Variants in PALM2AKAP2 observed in about 807,000 individuals in gnomAD.
The protein encoded by PALM2AKAP2 is PALM2-AKAP2 fusion protein.
PALM2AKAP2 carries 37 observed loss-of-function variants against 71.5 expected under a neutral mutation model. The ratio of observed to expected loss-of-function variants is 0.52; its 90% CI spans 0.40 to 0.68. The LOEUF (loss-of-function observed/expected upper bound fraction) is 0.68. PALM2AKAP2 is among the 30% of genes least tolerant of loss of function. PALM2AKAP2 has a pLI of 0.00. For synonymous variants in PALM2AKAP2, 468 were observed against 478.8 expected (o/e 0.98, Z 0.29); for missense variants, 1,224 against 1,191.8 (o/e 1.03, Z -0.40).
chr9:109,801,000 A>G (rs1827415157), intron 1 of PALM2AKAP2, among the ~76,000 whole-genome samples: 3 of 152,116 alleles, frequency 2.0e-5, no homozygotes, highest in Admixed American at 1.3e-4. Context: ...TAGCAGTAAA[A>G]CTTTCAATTA....
At chr9:110,116,583 G>A (rs2118976218) in intron 1 of PALM2AKAP2, among the ~76,000 whole-genome samples, 1 of 152,274 alleles carries the variant, frequency 6.6e-6, no homozygotes, top group East Asian at 1.9e-4. Flanking sequence ...ATTCTTCAAT[G>A]GGATTTTCCT....
At chr9:109,801,231 A>C (rs1346266858) in intron 1 of PALM2AKAP2, among the ~76,000 whole-genome samples, 2 of 152,228 alleles carry the variant, frequency 1.3e-5, no homozygotes, top group Non-Finnish European at 2.9e-5. Flanking sequence ...CCTTAAAAGC[A>C]AACTCAGACA....
chr9:110,149,969 A>G (rs571684171), intron 2 of PALM2AKAP2, among the ~76,000 whole-genome samples: 4 of 152,338 alleles, frequency 2.6e-5, no homozygotes, highest in East Asian at 3.9e-4. Context: ...GCCTGGTCTC[A>G]ATTGAGACCC....
chr9:109,894,918 C>T (rs1830166746), intron 3 of PALM2AKAP2, among the ~76,000 whole-genome samples: 1 of 152,040 alleles, frequency 6.6e-6, no homozygotes, highest in African/African-American at 2.4e-5. Flanking sequence ...GCCAAGCCTC[C>T]CTAAATGTTT....
intron 3 of PALM2AKAP2, among the ~76,000 whole-genome samples, chr9:110,163,641 C>T (rs1836660426): frequency 6.6e-6 from 1 of 152,152 alleles, no homozygotes; most frequent in Non-Finnish European, 1.5e-5. Flanking sequence ...AATCATGTTG[C>T]AGTATCTTCT....
rs568257819 is a variant in PALM2AKAP2 at position 110,077,976 on chromosome 9, TGCACTC to T, written c.156+29122_156+29127del. ...TTTCAGTGAGCCGAGATCGCGCTAC[TGCACTC>T]CAGCCTGGGTGACAGAGTGAGACTC... On this transcript the variant is annotated intron_variant, in intron 1 of 3. Coordinates refer to ENST00000374525, the Ensembl canonical transcript of PALM2AKAP2. 9.6e-4 allele frequency among the ~76,000 whole-genome samples: 144 copies of T among 149,246 alleles called. 1 individual carries two copies. In the South Asian group the frequency reaches 0.013, roughly 13 times the overall value.
intron 1 of PALM2AKAP2, among the ~76,000 whole-genome samples, chr9:109,714,075 C>A (rs1828281957): frequency 6.6e-6 from 1 of 152,218 alleles, no homozygotes; most frequent in African/African-American, 2.4e-5. Flanking sequence ...ATTAGCTAGA[C>A]AACTTTCCAG....
chr9:109,757,607 C>T (rs1047599529), intron 1 of PALM2AKAP2, among the ~76,000 whole-genome samples: 5 of 152,116 alleles, frequency 3.3e-5, no homozygotes, highest in African/African-American at 7.2e-5. Flanking sequence ...TTTGATAGTC[C>T]GCAATATGTA....
At chr9:110,023,305 C>CTTTTTTTTTTTTTTTTTTTTTTTTTTTTT (rs149672913) in intron 7 of PALM2AKAP2, among the ~76,000 whole-genome samples, 1 of 74,046 alleles carries the variant, frequency 1.4e-5, no homozygotes, top group African/African-American at 6.2e-5. Context: ...ATTGTGGTTT[C>CTTTTTTTTTTTTTTTTTTTTTTTTTTTTT]TTTTTTTTTT....
intron 1 of PALM2AKAP2, among the ~76,000 whole-genome samples, chr9:110,090,691 C>T (rs963285006): frequency 9.9e-5 from 15 of 152,170 alleles, no homozygotes; most frequent in Admixed American, 8.5e-4. Flanking sequence ...TGCTGATCTG[C>T]TTCAAGTTCT....
intron 1 of PALM2AKAP2, among the ~76,000 whole-genome samples, chr9:109,668,544 A>G (rs1419373209): frequency 6.6e-6 from 1 of 152,214 alleles, no homozygotes; most frequent in Non-Finnish European, 1.5e-5. Flanking sequence ...TTAATTATGT[A>G]TAGATTGTGT....
chr9:110,118,852 C>T (rs1835422712), intron 1 of PALM2AKAP2, among the ~76,000 whole-genome samples: 1 of 152,088 alleles, frequency 6.6e-6, no homozygotes, highest in African/African-American at 2.4e-5. Flanking sequence ...AATATAGATA[C>T]ACACATACCT....
intron 1 of PALM2AKAP2, among the ~76,000 whole-genome samples, chr9:109,784,783 G>A (rs1370435168): frequency 2.0e-5 from 3 of 152,224 alleles, no homozygotes; most frequent in African/African-American, 7.2e-5. Flanking sequence ...CCAAGATGGC[G>A]GCAGCGTCTC....
At chr9:109,691,280 G>A (rs1207881646) in intron 1 of PALM2AKAP2, among the ~76,000 whole-genome samples, 1 of 151,926 alleles carries the variant, frequency 6.6e-6, no homozygotes, top group African/African-American at 2.4e-5. Flanking sequence ...GTGAGAATCA[G>A]TATCTGATTT....
At chr9:110,160,690 A>G (rs555225412) in intron 3 of PALM2AKAP2, among the ~76,000 whole-genome samples, 22 of 152,316 alleles carry the variant, frequency 1.4e-4, no homozygotes, top group African/African-American at 3.6e-4. Context: ...CATTGAGTCA[A>G]TGATGCTCAT....
rs1368442178 is a variant in PALM2AKAP2 at position 110,119,340 on chromosome 9, TCAA to T, written c.157-16786_157-16784del. On this transcript the variant is annotated intron_variant, in intron 1 of 3. Transcript: ENST00000374525. Reference sequence around the variant, plus strand: ...CCTGGTGACAGAGCGAGACTCCATCTCAAAAAAAAAAAAAAAAAAAGAAAAGAA... The same window carrying T: ...CCTGGTGACAGAGCGAGACTCCATCTAAAAAAAAAAAAAAAAAGAAAAGAA... Among the ~76,000 whole-genome samples, 690 of 84,802 alleles carry T rather than the reference TCAA, an allele frequency of 8.1e-3. 9 individuals carry two copies. The highest frequency in any genetic ancestry group is 0.031 in the African/African-American group (635 of 20,672). 55.6% of individuals were successfully genotyped at this position (84,802 alleles called of 152,430 possible). A position where few individuals can be genotyped will look rare whatever the true frequency, so the allele number is the denominator to read the frequency against.
At chr9:109,656,592 T>A (rs905050925) in intron 1 of PALM2AKAP2, among the ~76,000 whole-genome samples, 4 of 152,238 alleles carry the variant, frequency 2.6e-5, no homozygotes, top group African/African-American at 9.6e-5. Flanking sequence ...ATTGGGGGAT[T>A]TTAAGCAGAG....
chr9:109,641,867 G>A (rs527564385), intron 1 of PALM2AKAP2, among the ~76,000 whole-genome samples: 1 of 152,310 alleles, frequency 6.6e-6, no homozygotes, highest in East Asian at 1.9e-4. Context: ...ATCCCTCTGC[G>A]TATCTGATTG....
At chr9:110,115,514 T>C (rs1435462370) in intron 1 of PALM2AKAP2, among the ~76,000 whole-genome samples, 1 of 152,170 alleles carries the variant, frequency 6.6e-6, no homozygotes, top group African/African-American at 2.4e-5. Flanking sequence ...CCAGTGCCTG[T>C]CCTGATCCAG....
Sources: gnomAD v4.1 joint callset for allele counts (sites outside exome capture counted in the v4.1 genomes callset) on GRCh38, gnomAD v4.1.1 for gene constraint, MANE v1.5 for transcripts, NCBI Gene and HGNC (gene_info 2026-07-23, HGNC 2026-07-21) for gene names.